The following NLGN4X variants were observed in gnomAD, a reference collection of about 807,000 sequenced individuals.
NLGN4X encodes the protein neuroligin-4, X-linked.
In NLGN4X, 3 loss-of-function variants were observed where a neutral mutation model predicts 40.3. The observed-to-expected ratio is 0.07, with a 90% CI of 0.03 to 0.19. The LOEUF (loss-of-function observed/expected upper bound fraction) is 0.19, where lower values mean the gene tolerates loss of function less well. Among genes scored for constraint, NLGN4X ranks in the 10% least tolerant of loss-of-function variants. The pLI, the probability that NLGN4X is intolerant of heterozygous loss-of-function variation, is 1.00. For missense variants in NLGN4X, 382 were observed against 708.3 expected (o/e 0.54, Z 5.23); for synonymous variants, 270 against 306.8 (o/e 0.88, Z 1.25).
intron 3 of NLGN4X, among the ~76,000 whole-genome samples, chrX:5,970,029 G>A (rs1293551424): frequency 1.0e-4 from 8 of 78,648 alleles, no homozygotes; most frequent in African/African-American, 1.4e-4. Context: ...GTTGTGGGGT[G>A]GGGGGAGGGG....
At chrX:5,925,922 A>AC (rs2033293802) in intron 3 of NLGN4X, among the ~76,000 whole-genome samples, 1 of 49,957 alleles carries the variant, frequency 2.0e-5, no homozygotes, top group African/African-American at 8.3e-5. Context: ...ATATATATAT[A>AC]TATATATATA....
chrX:6,172,882 C>T (rs1009789889), intron 1 of NLGN4X, among the ~76,000 whole-genome samples: 12 of 112,158 alleles, frequency 1.1e-4, no homozygotes, highest in African/African-American at 3.9e-4. Context: ...AGGGATCCTC[C>T]AGGATGGACT....
At chrX:6,124,764 A>G (rs913156582) in intron 2 of NLGN4X, among the ~76,000 whole-genome samples, 1 of 111,867 alleles carries the variant, frequency 8.9e-6, no homozygotes, top group African/African-American at 3.2e-5. Context: ...ATGGAAACCT[A>G]TGCTCCTCAA....
chrX:6,000,754 G>C (rs996709063), intron 3 of NLGN4X, among the ~76,000 whole-genome samples: 5 of 111,256 alleles, frequency 4.5e-5, no homozygotes, highest in Non-Finnish European at 1.9e-5. Flanking sequence ...CAAGTCTCTA[G>C]AAAGTTCCAA....
Position 6,065,368 on chromosome X carries a change from AAAAAAG to A in NLGN4X, c.473-35942_473-35937del, listed in dbSNP as rs931338474. ...AGTGTCACTCTCTGGCCCTTAAAAA[AAAAAAG>A]AAAAGAAAAGAGAGAAGAGTGGATA... On this transcript the variant is annotated intron_variant, in intron 2 of 5. Coordinates refer to ENST00000381095, the MANE Select transcript of NLGN4X (RefSeq NM_181332.3). Among the ~76,000 whole-genome samples the A allele has an allele frequency of 6.3e-5, 7 of 111,175 alleles. No homozygotes were observed. In the South Asian group the frequency reaches 1.9e-3, roughly 30 times the overall value.
chrX:6,070,320 A>G (rs748885773), intron 2 of NLGN4X, among the ~76,000 whole-genome samples: 3 of 112,395 alleles, frequency 2.7e-5, no homozygotes, highest in Admixed American at 1.9e-4. Context: ...TAACACTTCA[A>G]AAAAGCAGGT....
chrX:6,121,402 A>T (rs1330657427), intron 2 of NLGN4X, among the ~76,000 whole-genome samples: 2 of 111,968 alleles, frequency 1.8e-5, no homozygotes, highest in African/African-American at 6.5e-5. Context: ...AACCAATAGG[A>T]AGCCAAAAAT....
intron 3 of NLGN4X, among the ~76,000 whole-genome samples, chrX:6,014,761 TTAC>T (rs2036350158): frequency 9.0e-6 from 1 of 111,727 alleles, no homozygotes; most frequent in Admixed American, 9.5e-5. Context: ...TAATGCCCCT[TTAC>T]ATAGACAGCC....
At chrX:6,152,093 A>C (rs977696774) in intron 1 of NLGN4X, among the ~76,000 whole-genome samples, 1 of 110,746 alleles carries the variant, frequency 9.0e-6, no homozygotes, top group Non-Finnish European at 1.9e-5. Context: ...TGGGACCACA[A>C]GCATGCACCA....
intron 2 of NLGN4X, among the ~76,000 whole-genome samples, chrX:6,061,230 C>T (rs898264261): frequency 9.0e-6 from 1 of 111,290 alleles, no homozygotes; most frequent in African/African-American, 3.3e-5. Flanking sequence ...CACAGTCAAC[C>T]CTTAGCGAAC....
At chrX:5,978,970 A>AAAC (rs2035292489) in intron 3 of NLGN4X, among the ~76,000 whole-genome samples, 1 of 110,969 alleles carries the variant, frequency 9.0e-6, no homozygotes, top group East Asian at 2.8e-4. Flanking sequence ...GACTCTGTTT[A>AAAC]AAATATACAT....
chrX:6,182,540 C>T (rs1921569649), intron 1 of NLGN4X, among the ~76,000 whole-genome samples: 1 of 112,000 alleles, frequency 8.9e-6, no homozygotes, highest in Admixed American at 9.4e-5. Context: ...AAGCTATCCA[C>T]ATCTTAATCC....
At chrX:6,124,123 G>T (rs2039488748) in intron 2 of NLGN4X, among the ~76,000 whole-genome samples, 1 of 110,584 alleles carries the variant, frequency 9.0e-6, no homozygotes, top group Non-Finnish European at 1.9e-5. Context: ...AATTGTAAAT[G>T]TCAAAAATGG....
intron 1 of NLGN4X, among the ~76,000 whole-genome samples, chrX:6,191,220 A>AT (rs1267075383): frequency 2.7e-5 from 3 of 111,107 alleles, no homozygotes; most frequent in Non-Finnish European, 5.7e-5. Context: ...ACCAATAATT[A>AT]TTTTTTCAAA....
At chrX:6,017,005 C>T (rs965641975) in intron 3 of NLGN4X, among the ~76,000 whole-genome samples, 5 of 111,384 alleles carry the variant, frequency 4.5e-5, no homozygotes, top group Non-Finnish European at 7.5e-5. Context: ...TTTGGAATGA[C>T]GTCAATGTTC....
At chrX:6,136,963 G>A (rs1016122186) in intron 2 of NLGN4X, among the ~76,000 whole-genome samples, 2 of 112,351 alleles carry the variant, frequency 1.8e-5, no homozygotes, top group Admixed American at 1.9e-4. Flanking sequence ...TCTGGCTTCT[G>A]GCATTCTTAG....
At chrX:6,185,478 A>G (rs1921921703) in intron 1 of NLGN4X, among the ~76,000 whole-genome samples, 1 of 111,923 alleles carries the variant, frequency 8.9e-6, no homozygotes, top group Non-Finnish European at 1.9e-5. Context: ...TGTGGCAGAG[A>G]ACAACATGCC....
chrX:5,972,151 ATATG>A (rs1447018839), intron 3 of NLGN4X, among the ~76,000 whole-genome samples: 1 of 105,803 alleles, frequency 9.5e-6, no homozygotes, highest in Admixed American at 9.7e-5. Flanking sequence ...ACACATATGT[ATATG>A]TGTGTGTGCA....
chrX:6,111,972 G>C (rs1430448375), intron 2 of NLGN4X, among the ~76,000 whole-genome samples: 1 of 111,807 alleles, frequency 8.9e-6, no homozygotes, highest in Non-Finnish European at 1.9e-5. Flanking sequence ...AAACAAGCTA[G>C]AGTCATGAAC....
Sources: allele counts gnomAD v4.1 joint callset (sites outside exome capture counted in the v4.1 genomes callset), GRCh38; gene constraint gnomAD v4.1.1; transcripts MANE v1.5; gene names NCBI Gene and HGNC (gene_info 2026-07-23, HGNC 2026-07-21).